Variants in ARFGEF3 observed in about 807,000 individuals in gnomAD.
The protein encoded by ARFGEF3 is brefeldin A-inhibited guanine nucleotide-exchange protein 3.
A neutral mutation model predicts 221.7 loss-of-function variants in ARFGEF3; 96 were observed. The ratio of observed to expected loss-of-function variants is 0.43; its 90% CI spans 0.37 to 0.51. The LOEUF (loss-of-function observed/expected upper bound fraction) is 0.51, where lower values mean the gene tolerates loss of function less well. Among genes scored for constraint, ARFGEF3 ranks in the 20% least tolerant of loss-of-function variants. The pLI, the probability that ARFGEF3 is intolerant of heterozygous loss-of-function variation, is 0.00. For missense variants in ARFGEF3, 2,410 were observed against 2,789.9 expected, an observed-to-expected ratio of 0.86 and a Z score of 3.07; for synonymous variants, 1,145 against 1,126.8, an observed-to-expected ratio of 1.02 and a Z score of -0.32.
intron 6 of ARFGEF3, among the ~76,000 whole-genome samples, chr6:138,239,255 G>A (rs896461331): frequency 6.6e-6 from 1 of 152,284 alleles, no homozygotes; most frequent in South Asian, 2.1e-4. Flanking sequence ...GGTGTTTTGT[G>A]TTGTTTTAAA....
chr6:138,291,942 A>T lies in ARFGEF3; in HGVS notation c.3257A>T (p.Asp1086Val). 2.0e-6 allele frequency: 3 copies of T among 1,523,020 alleles called. No individual in the cohort carries two copies. Among genetic ancestry groups the T allele is most frequent in the Non-Finnish European group, 2.6e-6 (3 of 1,135,534 alleles). 94.3% of individuals were successfully genotyped at this position (1,523,020 alleles called of 1,614,324 possible). A position where few individuals can be genotyped will look rare whatever the true frequency, so the allele number is the denominator to read the frequency against. The change falls in exon 19 of 34, where the codon GAC becomes GTC. Residue 1086 changes from aspartate to valine, a missense_variant. Asp to Val is a radical substitution (Grantham distance 152, BLOSUM62 -3). Transcript: ENST00000251691. The surrounding 1 kb of genome is among the most constrained non-coding windows in gnomAD (Gnocchi z 4.5). ...GTCGTCCAGCCCCTGTCCATCCAGG[A>T]CCTCGTCCGGGAAGGCAGCCGGGGT... ...APVVQPLSIQ[D>V]LVREGSRGRA...
intron 32 of ARFGEF3, among the ~76,000 whole-genome samples, chr6:138,329,629 A>T (rs1317306519): frequency 6.6e-6 from 1 of 152,196 alleles, no homozygotes. Flanking sequence ...ACGCCACTGC[A>T]CTCCAGCCTG....
intron 12 of ARFGEF3, among the ~76,000 whole-genome samples, chr6:138,277,388 G>T (rs1779118310): frequency 6.6e-6 from 1 of 152,164 alleles, no homozygotes; most frequent in South Asian, 2.1e-4. Context: ...CGCTTCAGTT[G>T]TTTCCACCTT....
chr6:138,269,606 C>T (rs1164444860), intron 12 of ARFGEF3, among the ~76,000 whole-genome samples: 3 of 152,040 alleles, frequency 2.0e-5, no homozygotes, highest in Non-Finnish European at 4.4e-5. Flanking sequence ...GTCAGGACTT[C>T]AAGACCAGCC....
intron 25 of ARFGEF3, among the ~76,000 whole-genome samples, chr6:138,313,142 T>C (rs895747713): frequency 1.3e-5 from 2 of 152,214 alleles, no homozygotes; most frequent in East Asian, 1.9e-4. Flanking sequence ...ACAGCCCTGG[T>C]TCCTTGAACA....
intron 2 of ARFGEF3, among the ~76,000 whole-genome samples, chr6:138,204,598 A>G (rs923352105): frequency 6.6e-6 from 1 of 152,190 alleles, no homozygotes; most frequent in South Asian, 2.1e-4. Context: ...TGCATGGTCT[A>G]AAATATTTAT....
chr6:138,182,950 G>GT (rs796707432), intron 2 of ARFGEF3, among the ~76,000 whole-genome samples: 24 of 151,986 alleles, frequency 1.6e-4, no homozygotes, highest in East Asian at 3.9e-4. Flanking sequence ...AAAATAATGG[G>GT]TTTTTTTTCC....
intron 28 of ARFGEF3, among the ~76,000 whole-genome samples, chr6:138,320,542 A>ATAAC (rs1780005018): frequency 6.6e-6 from 1 of 152,238 alleles, no homozygotes; most frequent in Non-Finnish European, 1.5e-5. Context: ...CACAGAGCTT[A>ATAAC]TAACTCGAAG....
chr6:138,196,125 A>G (rs1161715033), intron 2 of ARFGEF3, among the ~76,000 whole-genome samples: 1 of 152,216 alleles, frequency 6.6e-6, no homozygotes, highest in Non-Finnish European at 1.5e-5. Context: ...GTGCTAAGGC[A>G]TGAGCTCAGG....
At chr6:138,268,410 G>A (rs1778936447) in intron 12 of ARFGEF3, among the ~76,000 whole-genome samples, 1 of 152,156 alleles carries the variant, frequency 6.6e-6, no homozygotes. Context: ...TCAGGGGGCT[G>A]CTTTCTCGGC....
rs1296865650 is a variant in ARFGEF3, at chr6:138,343,034, G to A, written c.*6548G>A. 6.6e-6 allele frequency: 1 copy of A among 152,052 alleles called. No individual in the cohort carries two copies. Among genetic ancestry groups the A allele is most frequent in the Non-Finnish European group, 1.5e-5 (1 of 68,016 alleles). The allele number at this position is 152,052 out of a possible 1,614,324, so 9.4% of individuals were successfully genotyped here. A position where few individuals can be genotyped will look rare whatever the true frequency, so the allele number is the denominator to read the frequency against. Reference sequence around the variant, plus strand: ...CATTATTTCATCTTCCAAATAATGGGAAAAATATAAAAGTGAATCAGTGTG... The same window carrying A: ...CATTATTTCATCTTCCAAATAATGGAAAAAATATAAAAGTGAATCAGTGTG... On this transcript the variant is annotated 3_prime_UTR_variant, in exon 34 of 34. Transcript: ENST00000251691.
intron 8 of ARFGEF3, among the ~76,000 whole-genome samples, chr6:138,250,280 T>C (rs141244834): frequency 2.6e-5 from 4 of 152,328 alleles, no homozygotes; most frequent in African/African-American, 9.6e-5. Flanking sequence ...GTGGTATTAA[T>C]AGAATCCTAT....
intron 1 of ARFGEF3, among the ~76,000 whole-genome samples, chr6:138,169,744 GATTA>G (rs1776790995): frequency 6.6e-6 from 1 of 152,288 alleles, no homozygotes; most frequent in East Asian, 1.9e-4. Flanking sequence ...CTGTTTTGCT[GATTA>G]ATTGTCTTTC....
intron 20 of ARFGEF3, 133 bp from the exon 21 acceptor site, chr6:138,296,677 T>A: frequency 9.6e-7 from 1 of 1,042,592 alleles, no homozygotes; most frequent in Non-Finnish European, 1.4e-6. Context: ...CAGGGCTCCC[T>A]CCTCCCTTGG....
In ARFGEF3 at chr6:138,261,134, T is replaced by C. The variant is rs554645835; in HGVS notation, c.1105-393T>C. On this transcript the variant is annotated intron_variant, in intron 10 of 33. Transcript: ENST00000251691. ...TTCAGCAATAAGAAAGAGGGCATAC[T>C]TCTCCACCTAGTTTATGAAGCTAGC... 1.2e-4 allele frequency among the ~76,000 whole-genome samples: 19 copies of C among 152,308 alleles called. No homozygotes were observed. The South Asian group carries it at 3.7e-3, about 30-fold the overall frequency.
At chr6:138,188,856 A>C (rs1018442421) in intron 2 of ARFGEF3, among the ~76,000 whole-genome samples, 58 of 152,344 alleles carry the variant, frequency 3.8e-4, no homozygotes, top group African/African-American at 1.4e-3. Flanking sequence ...GGCAGCTAGT[A>C]AGGAACCAGC....
intron 4 of ARFGEF3, chr6:138,216,646 T>G (rs973247400): frequency 1.3e-5 from 2 of 152,190 alleles, no homozygotes; most frequent in Admixed American, 6.5e-5. Context: ...TTAGTGAAGT[T>G]TGAGAGTGAA....
At chr6:138,286,943 C>T (rs1295983962) in intron 16 of ARFGEF3, 27 bp downstream of exon 16, 5 of 1,608,802 alleles carry the variant, frequency 3.1e-6, no homozygotes, top group Admixed American at 1.7e-5. Context: ...TGTTCCCTGG[C>T]CGTGGTCCTG....
chr6:138,186,877 A>T (rs1231773140), intron 2 of ARFGEF3, among the ~76,000 whole-genome samples: 1 of 139,876 alleles, frequency 7.1e-6, no homozygotes, highest in Non-Finnish European at 1.5e-5. Flanking sequence ...TATCTCCTCC[A>T]CGAGTTATTC....
Sources: allele counts gnomAD v4.1 joint callset (sites outside exome capture counted in the v4.1 genomes callset), GRCh38; gene constraint gnomAD v4.1.1; non-coding constraint Gnocchi (gnomAD v3.1); transcripts MANE v1.5; gene names NCBI Gene and HGNC (gene_info 2026-07-23, HGNC 2026-07-21).